The following KCNJ16 variants were observed in gnomAD, a reference collection of about 807,000 sequenced individuals.
The protein encoded by KCNJ16 is potassium inwardly rectifying channel subfamily J member 16.
Under a neutral mutation model 18.5 loss-of-function variants are expected in KCNJ16, and 15 were observed. The ratio of observed to expected loss-of-function variants is 0.81; its 90% CI spans 0.54 to 1.25. KCNJ16 has a LOEUF of 1.25. Ranked by LOEUF, KCNJ16 falls within the 50% of genes most tolerant of loss-of-function variation. The pLI is 0.00. For missense variants in KCNJ16, 523 were observed against 525.7 expected, an observed-to-expected ratio of 0.99 and a Z score of 0.05; for synonymous variants, 174 against 186.5, an observed-to-expected ratio of 0.93 and a Z score of 0.55.
chr17:70,079,212 C>T (rs945112866), intron 1 of KCNJ16, among the ~76,000 whole-genome samples: 3 of 152,168 alleles, frequency 2.0e-5, no homozygotes, highest in Admixed American at 1.3e-4. Context: ...TTCAAATCTG[C>T]AGAGTATGCC....
intron 1 of KCNJ16, among the ~76,000 whole-genome samples, chr17:70,092,489 A>AATAGATAGATAGATAGATAGATAG (rs56383039): frequency 5.6e-5 from 5 of 89,830 alleles, no homozygotes; most frequent in Non-Finnish European, 1.1e-4. Context: ...AAACAGAACC[A>AATAGATAGATAGATAGATAGATAG]ATAGATAGAT....
At chr17:70,122,595 G>T (rs1348553643) in intron 2 of KCNJ16, among the ~76,000 whole-genome samples, 1 of 152,198 alleles carries the variant, frequency 6.6e-6, no homozygotes, top group Non-Finnish European at 1.5e-5. Context: ...TTATTGGAAA[G>T]ATAACAGTTT....
chr17:70,102,119 A>C (rs1035688525), intron 2 of KCNJ16: 2 of 150,830 alleles, frequency 1.3e-5, no homozygotes, highest in African/African-American at 4.9e-5. Flanking sequence ...CCAGTGGCTG[A>C]TTCAAAATAG....
chr17:70,121,662 G>C (rs903985304), intron 2 of KCNJ16, among the ~76,000 whole-genome samples: 1 of 152,076 alleles, frequency 6.6e-6, no homozygotes, highest in African/African-American at 2.4e-5. Context: ...GCGTGTAGTG[G>C]GTCACACCTG....
At chr17:70,118,157 C>T (rs8070708) in intron 2 of KCNJ16, among the ~76,000 whole-genome samples, 35,060 of 151,968 alleles carry the variant, frequency 0.23, 4,918 homozygotes, top group African/African-American at 0.41. Context: ...CTATAAATAT[C>T]TGAGACTGGG....
chr17:70,098,589 G>A (rs948907166), intron 1 of KCNJ16, among the ~76,000 whole-genome samples: 8 of 148,430 alleles, frequency 5.4e-5, no homozygotes, highest in African/African-American at 2.0e-4. Flanking sequence ...TGTATTACGT[G>A]TGTGTGTGCA....
At chr17:70,096,870 T>A in intron 1 of KCNJ16, 1 of 398,216 alleles carries the variant, frequency 2.5e-6, no homozygotes, top group African/African-American at 2.1e-5. Context: ...TAAACTTTAT[T>A]GTTTAGAGTG....
chr17:70,096,974 A>C (rs2072405318), intron 1 of KCNJ16: 1 of 398,068 alleles, frequency 2.5e-6, no homozygotes, highest in African/African-American at 2.1e-5. Context: ...AACATATTAA[A>C]TTTTCTCTAT....
At chr17:70,099,633 T>C (rs1199412456) in intron 1 of KCNJ16, among the ~76,000 whole-genome samples, 1 of 152,100 alleles carries the variant, frequency 6.6e-6, no homozygotes, top group East Asian at 1.9e-4. Flanking sequence ...TTCTCATGAT[T>C]CATATTGTGG....
At chr17:70,078,140 T>C (rs577727180) in intron 1 of KCNJ16, among the ~76,000 whole-genome samples, 1 of 152,226 alleles carries the variant, frequency 6.6e-6, no homozygotes, top group East Asian at 1.9e-4. Flanking sequence ...TTCCAGAAAG[T>C]TCTACTCTGA....
chr17:70,077,301 T>C (rs2071358152), intron 1 of KCNJ16, among the ~76,000 whole-genome samples: 1 of 152,100 alleles, frequency 6.6e-6, no homozygotes. Context: ...AGCGTAGATT[T>C]AGATAAGTGG....
chr17:70,095,080 G>A (rs1334672916), intron 1 of KCNJ16, among the ~76,000 whole-genome samples: 1 of 152,150 alleles, frequency 6.6e-6, no homozygotes, highest in East Asian at 1.9e-4. Flanking sequence ...ACTTATGTGA[G>A]CATATGAATA....
At chr17:70,107,989 T>A (rs564160920) in intron 2 of KCNJ16, among the ~76,000 whole-genome samples, 1 of 152,240 alleles carries the variant, frequency 6.6e-6, no homozygotes, top group Admixed American at 6.5e-5. Flanking sequence ...TGTTGTAAGG[T>A]ACTAACAATA....
At chr17:70,096,780 G>C (rs1467533406) in intron 1 of KCNJ16, 6 of 388,616 alleles carry the variant, frequency 1.5e-5, no homozygotes, top group African/African-American at 4.1e-5. Flanking sequence ...ATGGATATTA[G>C]AGTTTCTGCC....
intron 2 of KCNJ16, among the ~76,000 whole-genome samples, chr17:70,103,777 A>C (rs1056801884): frequency 6.6e-6 from 1 of 152,004 alleles, no homozygotes; most frequent in African/African-American, 2.4e-5. Context: ...TGACATGTTC[A>C]TTTGGCTGTC....
rs1240160752 is a variant in KCNJ16, at chr17:70,135,055, G to C, written c.*1711G>C. The C allele has an allele frequency of 1.8e-5, 2 of 109,422 alleles. No individual in the cohort carries two copies. Among genetic ancestry groups the C allele is most frequent in the African/African-American group, 8.1e-5 (2 of 24,598 alleles). The allele number at this position is 109,422 out of a possible 1,614,324, so 6.8% of individuals were successfully genotyped here. ...GGAGTAATAAAGTTACTTTTTAAAT[G>C]CACGTATGCAATCTTTTATTCCTCT... On this transcript the variant is annotated 3_prime_UTR_variant, in exon 4 of 4. Transcript: ENST00000392671.
chr17:70,090,828 A>C (rs1307555901), intron 1 of KCNJ16, among the ~76,000 whole-genome samples: 1 of 152,226 alleles, frequency 6.6e-6, no homozygotes, highest in African/African-American at 2.4e-5. Context: ...AAAAAGTGTC[A>C]ACCATTTTGT....
chr17:70,124,629 C>T (rs750504487), intron 2 of KCNJ16, among the ~76,000 whole-genome samples: 1 of 152,164 alleles, frequency 6.6e-6, no homozygotes, highest in Non-Finnish European at 1.5e-5. Context: ...ATCTAAGCAA[C>T]TTGGGCTAAC....
At chr17:70,106,014 G>A (rs749514809) in intron 2 of KCNJ16, among the ~76,000 whole-genome samples, 1 of 152,118 alleles carries the variant, frequency 6.6e-6, no homozygotes, top group Non-Finnish European at 1.5e-5. Context: ...TGGAGTGCGG[G>A]TATTTTTTCT....
Sources: allele counts gnomAD v4.1 joint callset (sites outside exome capture counted in the v4.1 genomes callset), GRCh38; gene constraint gnomAD v4.1.1; transcripts MANE v1.5; gene names NCBI Gene and HGNC (gene_info 2026-07-23, HGNC 2026-07-21).